Variants in IDE observed in about 807,000 individuals in gnomAD.
The protein encoded by IDE is insulin-degrading enzyme.
IDE carries 58 observed loss-of-function variants against 133.2 expected under a neutral mutation model. That is an observed-to-expected ratio of 0.44 (90% CI 0.35 to 0.54). The LOEUF (loss-of-function observed/expected upper bound fraction) is 0.54, where lower values mean the gene tolerates loss of function less well. Among genes scored for constraint, IDE ranks in the 20% least tolerant of loss-of-function variants. The pLI is 0.00. For missense variants in IDE, 981 were observed against 1,234.0 expected, an observed-to-expected ratio of 0.79 and a Z score of 3.07; for synonymous variants, 396 against 421.3, an observed-to-expected ratio of 0.94 and a Z score of 0.73.
chr10:92,552,371 G>A (rs573179519), intron 1 of IDE, among the ~76,000 whole-genome samples: 17 of 152,228 alleles, frequency 1.1e-4, no homozygotes, highest in African/African-American at 4.1e-4. Flanking sequence ...ATGGGAGAAG[G>A]CTACAATTGT....
chr10:92,523,995 T>G (rs1284008783), intron 4 of IDE, among the ~76,000 whole-genome samples: 2 of 151,956 alleles, frequency 1.3e-5, no homozygotes, highest in Non-Finnish European at 2.9e-5. Flanking sequence ...GCTCCTACTT[T>G]AATTCCATTG....
chr10:92,570,767 T>C (rs1044751635), intron 1 of IDE, among the ~76,000 whole-genome samples: 1 of 151,224 alleles, frequency 6.6e-6, no homozygotes, highest in African/African-American at 2.4e-5. Context: ...ATACAAAAAT[T>C]AGTTGTGGGG....
intron 11 of IDE, among the ~76,000 whole-genome samples, chr10:92,495,844 T>C (rs1161035026): frequency 1.3e-5 from 2 of 151,436 alleles, no homozygotes; most frequent in African/African-American, 4.8e-5. Context: ...CTAAAGGAAT[T>C]GAGGCTCATG....
chr10:92,543,562 C>T (rs984157900), intron 1 of IDE, among the ~76,000 whole-genome samples: 2 of 152,192 alleles, frequency 1.3e-5, no homozygotes, highest in African/African-American at 2.4e-5. Context: ...TGCCTTTGTG[C>T]CAGGCAGAAT....
Position 92,514,943 on chromosome 10 carries a change from A to G in IDE, c.761T>C (p.Met254Thr), listed in dbSNP as rs200118524. 202 of 1,612,462 alleles carry G rather than the reference A, an allele frequency of 1.3e-4. 1 individual carries two copies. Among genetic ancestry groups the G allele is most frequent in the Non-Finnish European group, 1.6e-4 (192 of 1,179,118 alleles). ...FHSAYYSSNL[M>T]AVCVLGRESL... is the part of the protein sequence containing the mutation. ...ACCTCGACCTAAAACACAAACAGCCATTAAGTTGGATGAATAGTAAGCAGA... is the reference window on the plus strand; with the variant it reads ...ACCTCGACCTAAAACACAAACAGCCGTTAAGTTGGATGAATAGTAAGCAGA... Residue 254 changes from methionine to threonine, a missense_variant, in exon 5 of 25, where the codon ATG (methionine) becomes ACG (threonine). Physicochemically the swap from Met to Thr is moderately conservative, Grantham distance 81 (BLOSUM62 -1). This residue lies in a region of IDE where 321 missense variants were observed against 339.3 expected (regional missense o/e 0.95). Coordinates refer to ENST00000265986, the MANE Select transcript of IDE (RefSeq NM_004969.4).
intron 11 of IDE, among the ~76,000 whole-genome samples, chr10:92,498,951 C>T (rs1480599176): frequency 6.6e-6 from 1 of 151,960 alleles, no homozygotes; most frequent in African/African-American, 2.4e-5. Context: ...AAAATTCAAC[C>T]GGATTTAGGC....
At chr10:92,508,703 A>G in intron 7 of IDE, 25 bp downstream of exon 7, 2 of 1,607,946 alleles carry the variant, frequency 1.2e-6, no homozygotes, top group Non-Finnish European at 1.7e-6. Flanking sequence ...GTGGACACTC[A>G]GAAGATGCTG....
intron 1 of IDE, among the ~76,000 whole-genome samples, chr10:92,551,170 G>A (rs192495829): frequency 1.3e-5 from 2 of 152,330 alleles, no homozygotes; most frequent in African/African-American, 4.8e-5. Context: ...TCCACTGATG[G>A]ATGAATCAGT....
chr10:92,544,757 T>C (rs1204354367), intron 1 of IDE, among the ~76,000 whole-genome samples: 1 of 152,086 alleles, frequency 6.6e-6, no homozygotes, highest in Non-Finnish European at 1.5e-5. Context: ...AAAACACAGG[T>C]AGTAGGGGGA....
chr10:92,533,186 G>C (rs756174197), intron 3 of IDE, among the ~76,000 whole-genome samples: 2 of 152,116 alleles, frequency 1.3e-5, no homozygotes, highest in Non-Finnish European at 2.9e-5. Flanking sequence ...TTTTTAGTTT[G>C]AGCCAAGTAA....
At chr10:92,462,045 G>T (rs1261276940) in intron 21 of IDE, among the ~76,000 whole-genome samples, 2 of 152,114 alleles carry the variant, frequency 1.3e-5, no homozygotes, top group Non-Finnish European at 2.9e-5. Flanking sequence ...GCTGGGCACA[G>T]TGGCTCATGC....
chr10:92,537,568 T>C lies in IDE; in HGVS notation c.99-18A>G. 6.5e-7 allele frequency: 1 copy of C among 1,546,230 alleles called. No homozygotes were observed. Among genetic ancestry groups the C allele is most frequent in the Non-Finnish European group, 8.8e-7 (1 of 1,130,288 alleles). On this transcript the variant is annotated intron_variant, in intron 1 of 24. Coordinates refer to ENST00000265986, the MANE Select transcript of IDE (RefSeq NM_004969.4). The stretch of plus-strand genomic sequence containing the variant: ...TTTGGAAACTGAAAAGAAAGAGATT[T>C]TTAATTGTTGATTTGTGACTTTATA...
At position 92,514,882 on chromosome 10, in the gene IDE, T is replaced by C. The variant is rs777990431; in HGVS notation, c.784+38A>G. The C allele has an allele frequency of 1.1e-5, 18 of 1,565,468 alleles. No homozygotes were observed. In the African/African-American group the frequency reaches 1.5e-4, roughly 13 times the overall value. Reference sequence around the variant, plus strand: ...TGAAAAAGCCAACATTAAAAACTTATATTATCCAATTCTATAAAAAATTGT... The same window carrying C: ...TGAAAAAGCCAACATTAAAAACTTACATTATCCAATTCTATAAAAAATTGT... On this transcript the variant is annotated intron_variant, in intron 5 of 24. Transcript: ENST00000265986.
chr10:92,456,250 G>T, intron 23 of IDE, 109 bp downstream of exon 23: 1 of 792,856 alleles, frequency 1.3e-6, no homozygotes, highest in Non-Finnish European at 2.2e-6. Context: ...TCCAGTTTCC[G>T]TTCTCTACCT....
intron 1 of IDE, among the ~76,000 whole-genome samples, chr10:92,567,339 G>C (rs926851569): frequency 3.3e-5 from 5 of 152,086 alleles, no homozygotes; most frequent in African/African-American, 1.2e-4. Context: ...AGTCACTCAC[G>C]CTCAAGACCT....
intron 17 of IDE, among the ~76,000 whole-genome samples, chr10:92,472,497 G>A (rs1201399725): frequency 2.6e-5 from 4 of 152,108 alleles, no homozygotes; most frequent in Non-Finnish European, 5.9e-5. Context: ...TTATAATCTA[G>A]TCTCCTATCC....
chr10:92,553,296 C>T (rs921104782), intron 1 of IDE, among the ~76,000 whole-genome samples: 4 of 151,808 alleles, frequency 2.6e-5, no homozygotes, highest in Admixed American at 6.6e-5. Context: ...TGGTGGCACA[C>T]GCCTGTAGTC....
At chr10:92,507,078 A>T (rs1432704783) in intron 9 of IDE, among the ~76,000 whole-genome samples, 2 of 150,574 alleles carry the variant, frequency 1.3e-5, no homozygotes, top group African/African-American at 4.9e-5. Flanking sequence ...GCTTTTAAAA[A>T]TTTGAAAGAC....
chr10:92,513,203 TG>T (rs1191893798), intron 5 of IDE, among the ~76,000 whole-genome samples: 1 of 152,218 alleles, frequency 6.6e-6, no homozygotes, highest in Non-Finnish European at 1.5e-5. Flanking sequence ...TGTTGTCGTT[TG>T]TTTTTTGAGA....
Sources: gnomAD v4.1 joint callset for allele counts (sites outside exome capture counted in the v4.1 genomes callset) on GRCh38, gnomAD v4.1.1 for gene constraint, gnomAD v4.1.1 regional missense constraint, MANE v1.5 for transcripts, NCBI Gene and HGNC (gene_info 2026-07-23, HGNC 2026-07-21) for gene names.